The following ITSN2 variants were observed in gnomAD, a reference collection of about 807,000 sequenced individuals.
ITSN2 encodes intersectin-2.
Under a neutral mutation model 243.7 loss-of-function variants are expected in ITSN2, and 156 were observed. The ratio of observed to expected loss-of-function variants is 0.64; its 90% CI spans 0.56 to 0.73. The LOEUF is 0.73. ITSN2 is among the 30% of genes least tolerant of loss of function. The probability of loss-of-function intolerance (pLI) is 0.00; values close to 1 mark genes in which losing one functional copy is unlikely to be tolerated. For missense variants in ITSN2, 1,801 were observed against 1,996.1 expected (o/e 0.90, Z 1.86); for synonymous variants, 703 against 699.9 (o/e 1.00, Z -0.07).
At chr2:24,284,605 T>C (rs1483836611) in intron 17 of ITSN2, among the ~76,000 whole-genome samples, 158 bp downstream of exon 17, 2 of 152,120 alleles carry the variant, frequency 1.3e-5, no homozygotes, top group Non-Finnish European at 2.9e-5. Flanking sequence ...GGCAGTCAGA[T>C]AGCAGAAGGA....
intron 2 of ITSN2, among the ~76,000 whole-genome samples, chr2:24,317,515 G>C (rs572197144): frequency 1.3e-5 from 2 of 152,338 alleles, no homozygotes; most frequent in African/African-American, 4.8e-5. Flanking sequence ...TGTTCACTGG[G>C]CTGCAGTGGC....
intron 1 of ITSN2, among the ~76,000 whole-genome samples, chr2:24,336,427 T>C (rs1259508628): frequency 6.6e-6 from 1 of 152,162 alleles, no homozygotes. Context: ...CTTCCACTGA[T>C]TACAAGTTAA....
intron 21 of ITSN2, 83 bp downstream of exon 21, chr2:24,261,478 A>T: frequency 8.9e-7 from 1 of 1,123,188 alleles, no homozygotes; most frequent in Non-Finnish European, 1.3e-6. Context: ...CACTATGATG[A>T]AGTAGTAGGC....
chr2:24,271,729 C>T (rs1466156264), intron 19 of ITSN2, 37 bp downstream of exon 19: 3 of 1,452,558 alleles, frequency 2.1e-6, no homozygotes, highest in Non-Finnish European at 1.8e-6. Context: ...TTTCTTGTTG[C>T]ATTTGTTCTA....
intron 4 of ITSN2, 126 bp from the exon 5 acceptor site, chr2:24,312,501 A>G: frequency 1.8e-6 from 1 of 550,354 alleles, no homozygotes; most frequent in African/African-American, 1.9e-5. Flanking sequence ...ACTAAATTTA[A>G]AATATCTAAC....
At chr2:24,290,077 C>T (rs952378410) in intron 15 of ITSN2, among the ~76,000 whole-genome samples, 5 of 152,110 alleles carry the variant, frequency 3.3e-5, no homozygotes, top group South Asian at 2.1e-4. Context: ...GAGATGATCA[C>T]GTGGCTCGTA....
chr2:24,220,718 T>C (rs1248063164), intron 30 of ITSN2: 1 of 1,329,696 alleles, frequency 7.5e-7, no homozygotes, highest in Non-Finnish European at 9.6e-7. Flanking sequence ...CTGAGTGACC[T>C]CATCTGGGGG....
At chr2:24,208,137 T>C in intron 37 of ITSN2, 100 bp downstream of exon 37, 2 of 1,055,074 alleles carry the variant, frequency 1.9e-6, no homozygotes, top group Non-Finnish European at 2.9e-6. Context: ...GGTCTGGTCT[T>C]TCAGACCCGT....
intron 1 of ITSN2, among the ~76,000 whole-genome samples, chr2:24,341,147 C>T (rs540968996): frequency 6.6e-6 from 1 of 152,200 alleles, no homozygotes; most frequent in East Asian, 1.9e-4. Context: ...GTAATATTAA[C>T]CAAGATAGAA....
At chr2:24,264,200 TG>T (rs1229615348) in intron 20 of ITSN2, among the ~76,000 whole-genome samples, 2 of 152,048 alleles carry the variant, frequency 1.3e-5, no homozygotes, top group East Asian at 3.9e-4. Context: ...GAGACCAGTC[TG>T]ACCAACATGG....
chr2:24,217,834 A>G, intron 31 of ITSN2, 73 bp downstream of exon 31: 8 of 946,536 alleles, frequency 8.5e-6, no homozygotes, highest in Non-Finnish European at 1.2e-5. Context: ...AAGCCCTTGC[A>G]GAGGGTTTTG....
At chr2:24,330,458 C>T (rs1269492978) in intron 1 of ITSN2, 32 of 648,140 alleles carry the variant, frequency 4.9e-5, no homozygotes, top group Non-Finnish European at 8.5e-5. Flanking sequence ...AGGTGAAGAA[C>T]GAACCACAGA....
At chr2:24,326,505 A>T (rs1009073240) in intron 2 of ITSN2, among the ~76,000 whole-genome samples, 2 of 152,218 alleles carry the variant, frequency 1.3e-5, no homozygotes, top group African/African-American at 4.8e-5. Context: ...AAAAATCCTC[A>T]AACTTGAGTA....
intron 1 of ITSN2, among the ~76,000 whole-genome samples, chr2:24,337,531 T>A (rs1686585775): frequency 6.7e-6 from 1 of 149,488 alleles, no homozygotes; most frequent in African/African-American, 2.5e-5. Flanking sequence ...TTTGTATTTT[T>A]AGTAAAGACG....
chr2:24,241,162 T>C (rs187403159), intron 29 of ITSN2: 1 of 152,314 alleles, frequency 6.6e-6, no homozygotes, highest in Admixed American at 6.5e-5. Flanking sequence ...GGATTTCTTA[T>C]GATATTTACT....
At chr2:24,321,651 AAAAT>A (rs1296305509) in intron 2 of ITSN2, among the ~76,000 whole-genome samples, 1 of 152,220 alleles carries the variant, frequency 6.6e-6, no homozygotes, top group East Asian at 1.9e-4. Flanking sequence ...AGTTTATCAG[AAAAT>A]AAATAAATAA....
upstream of ITSN2, among the ~76,000 whole-genome samples, chr2:24,361,251 G>A (rs1196958741): frequency 6.6e-6 from 1 of 152,164 alleles, no homozygotes; most frequent in Non-Finnish European, 1.5e-5. Context: ...CCAAGGGACA[G>A]GCGAAGCTCC....
chr2:24,220,790 AG>A, intron 30 of ITSN2, 154 bp downstream of exon 30: 1 of 1,426,798 alleles, frequency 7.0e-7, no homozygotes, highest in Middle Eastern at 2.4e-4. Context: ...CAGCATTTGG[AG>A]GATGTGAGAG....
Position 24,294,174 on chromosome 2 carries a change from T to C in ITSN2, c.1636-399A>G, listed in dbSNP as rs557667610. 2.0e-5 allele frequency among the ~76,000 whole-genome samples: 3 copies of C among 152,172 alleles called. No individual in the cohort carries two copies. The South Asian group carries it at 6.2e-4, about 32-fold the overall frequency. On this transcript the variant is annotated intron_variant, in intron 14 of 39. Transcript: ENST00000355123. ...GGTGCGGTGGCTCACACCTGTAATC[T>C]CAGCACTTTGGGAGGCCAAGGCAGG...
Sources: gnomAD v4.1 joint callset for allele counts (sites outside exome capture counted in the v4.1 genomes callset) on GRCh38, gnomAD v4.1.1 for gene constraint, MANE v1.5 for transcripts, NCBI Gene and HGNC (gene_info 2026-07-23, HGNC 2026-07-21) for gene names.